STYX: variants seen among roughly 807,000 people sequenced by gnomAD.
STYX encodes the protein serine/threonine/tyrosine interacting protein.
STYX carries 20 observed loss-of-function variants against 42.7 expected under a neutral mutation model. The observed-to-expected ratio is 0.47, with a 90% confidence interval of 0.33 to 0.68. The LOEUF (loss-of-function observed/expected upper bound fraction) is 0.68. STYX is among the 30% of genes least tolerant of loss of function. The probability of loss-of-function intolerance (pLI) is 0.02; values close to 1 mark genes in which losing one functional copy is unlikely to be tolerated. For synonymous variants in STYX, 78 were observed against 81.9 expected, an observed-to-expected ratio of 0.95 and a Z score of 0.26; for missense variants, 226 against 268.5, an observed-to-expected ratio of 0.84 and a Z score of 1.11.
chr14:52,752,332 G>A (rs1002654420), intron 4 of STYX, among the ~76,000 whole-genome samples: 3 of 151,864 alleles, frequency 2.0e-5, no homozygotes, highest in African/African-American at 7.3e-5. Flanking sequence ...GGGCGTGGTG[G>A]CACATGCCTG....
At chr14:52,740,305 A>G (rs1162351085) in intron 1 of STYX, among the ~76,000 whole-genome samples, 1 of 152,242 alleles carries the variant, frequency 6.6e-6, no homozygotes, top group Non-Finnish European at 1.5e-5. Context: ...AGTATCTAGT[A>G]AACAATTACA....
At chr14:52,768,512 A>C (rs977127454) in intron 9 of STYX, among the ~76,000 whole-genome samples, 38 of 152,196 alleles carry the variant, frequency 2.5e-4, no homozygotes, top group African/African-American at 8.9e-4. Flanking sequence ...GAAGCAGAGG[A>C]CTATTGAGAT....
At chr14:52,760,184 A>G (rs1486361016) in intron 9 of STYX, among the ~76,000 whole-genome samples, 1 of 152,212 alleles carries the variant, frequency 6.6e-6, no homozygotes, top group Non-Finnish European at 1.5e-5. Context: ...CCTGGCCCAC[A>G]GAGTGAGACC....
At chr14:52,758,732 C>T (rs769558717) in intron 8 of STYX, among the ~76,000 whole-genome samples, 6 of 152,092 alleles carry the variant, frequency 3.9e-5, no homozygotes, top group South Asian at 4.1e-4. Context: ...CACACCACCA[C>T]GCCTGGCTAA....
At chr14:52,759,193 G>A (rs1881995348) in intron 8 of STYX, among the ~76,000 whole-genome samples, 1 of 152,134 alleles carries the variant, frequency 6.6e-6, no homozygotes. Context: ...CACAATCATA[G>A]CTCACTGTAG....
chr14:52,747,775 T>C (rs542205929), intron 3 of STYX, among the ~76,000 whole-genome samples: 7 of 152,346 alleles, frequency 4.6e-5, no homozygotes, highest in African/African-American at 1.7e-4. Context: ...GCGGATTACA[T>C]GAGGCCAGGA....
At chr14:52,745,142 C>CA (rs1881348090) in intron 2 of STYX, among the ~76,000 whole-genome samples, 1 of 123,812 alleles carries the variant, frequency 8.1e-6, no homozygotes, top group Non-Finnish European at 1.6e-5. Flanking sequence ...TTTTTTGAAA[C>CA]AGAGTTTCGC....
In STYX at chr14:52,771,409, C is replaced by G; in HGVS notation, c.*303C>G. ...AAAGAGGTATTATTGCAATAATGCA[C>G]TTTTCATACTTGAAATTTATTTGTA... On this transcript the variant is annotated 3_prime_UTR_variant, in exon 11 of 11. Coordinates refer to ENST00000354586, the MANE Select transcript of STYX (RefSeq NM_145251.4). 1 of 222,980 alleles carries G rather than the reference C, an allele frequency of 4.5e-6. No homozygotes were observed. Among genetic ancestry groups the G allele is most frequent in the Non-Finnish European group, 8.7e-6 (1 of 114,642 alleles). The allele number at this position is 222,980 out of a possible 1,614,324, so 13.8% of individuals were successfully genotyped here.
At chr14:52,746,361 T>G in intron 2 of STYX, 65 bp from the exon 3 acceptor site, 1 of 1,261,368 alleles carries the variant, frequency 7.9e-7, no homozygotes. Flanking sequence ...AAGGTTTGTC[T>G]TATTTATATA....
At chr14:52,762,223 C>A (rs1222420309) in intron 9 of STYX, among the ~76,000 whole-genome samples, 1 of 152,012 alleles carries the variant, frequency 6.6e-6, no homozygotes, top group Non-Finnish European at 1.5e-5. Flanking sequence ...GTTGGTGTTC[C>A]TCTCACCGGT....
At chr14:52,745,125 T>G (rs1022815940) in intron 2 of STYX, among the ~76,000 whole-genome samples, 6 of 39,784 alleles carry the variant, frequency 1.5e-4, no homozygotes, top group South Asian at 6.3e-4. Flanking sequence ...TTTTTTTTGT[T>G]TTTTTTTTTT....
intron 3 of STYX, among the ~76,000 whole-genome samples, chr14:52,748,349 C>T (rs1881474381): frequency 6.6e-6 from 1 of 152,184 alleles, no homozygotes; most frequent in Non-Finnish European, 1.5e-5. Flanking sequence ...CCACCTTAGT[C>T]TCCCAAGTAG....
intron 10 of STYX, among the ~76,000 whole-genome samples, chr14:52,770,327 A>G (rs922003787): frequency 2.0e-5 from 3 of 152,152 alleles, no homozygotes; most frequent in Middle Eastern, 3.2e-3. Flanking sequence ...ACAGTCCTGT[A>G]GGGCATAAGT....
chr14:52,751,459 TAA>T (rs1487017810), intron 4 of STYX, among the ~76,000 whole-genome samples: 7 of 152,230 alleles, frequency 4.6e-5, no homozygotes, highest in African/African-American at 1.7e-4. Flanking sequence ...TTGCTGGATA[TAA>T]GAGTATGAAC....
chr14:52,753,999 T>C (rs1341764646), intron 4 of STYX, among the ~76,000 whole-genome samples: 3 of 148,768 alleles, frequency 2.0e-5, no homozygotes, highest in African/African-American at 7.4e-5. Context: ...AGGCAATTCT[T>C]CTGCCTCAGC....
Position 52,732,564 on chromosome 14 carries a change from C to T in STYX, c.57+2033C>T, listed in dbSNP as rs143820210. Among the ~76,000 whole-genome samples, 112 of 152,110 alleles carry T rather than the reference C, an allele frequency of 7.4e-4. 2 individuals carry two copies. In the East Asian group the frequency reaches 0.019, roughly 25 times the overall value. Reference sequence around the variant, plus strand: ...CAGGGATTACAGGCGTGAGCTACCGCGCCCGGCCAATATACTCTTAGAAAA... The same window carrying T: ...CAGGGATTACAGGCGTGAGCTACCGTGCCCGGCCAATATACTCTTAGAAAA... On this transcript the variant is annotated intron_variant, in intron 1 of 10. Transcript: ENST00000354586.
intron 1 of STYX, among the ~76,000 whole-genome samples, chr14:52,733,745 A>G (rs1880830307): frequency 6.6e-6 from 1 of 152,236 alleles, no homozygotes; most frequent in Admixed American, 6.5e-5. Context: ...TCACCAGTAG[A>G]GTCATGATTG....
chr14:52,760,460 T>G (rs1328404638), intron 9 of STYX, among the ~76,000 whole-genome samples: 2 of 152,200 alleles, frequency 1.3e-5, no homozygotes. Context: ...CTGACAAAGA[T>G]GATAAGTCTA....
chr14:52,753,928 GTCTCGC>G (rs1159758164), intron 4 of STYX, among the ~76,000 whole-genome samples: 2 of 115,386 alleles, frequency 1.7e-5, no homozygotes, highest in Admixed American at 2.2e-4. Flanking sequence ...TTGAGACAGA[GTCTCGC>G]TCTGTCATCC....
Sources: allele counts gnomAD v4.1 joint callset (sites outside exome capture counted in the v4.1 genomes callset), GRCh38; gene constraint gnomAD v4.1.1; transcripts MANE v1.5; gene names NCBI Gene and HGNC (gene_info 2026-07-23, HGNC 2026-07-21).